Variants in MFHAS1 observed in about 807,000 individuals in gnomAD.
MFHAS1 encodes the protein malignant fibrous histiocytoma-amplified sequence 1.
A neutral mutation model predicts 70.4 loss-of-function variants in MFHAS1; 50 were observed. That is an observed-to-expected ratio of 0.71 (90% CI 0.57 to 0.90). The LOEUF (loss-of-function observed/expected upper bound fraction) is 0.90, where lower values mean the gene tolerates loss of function less well. MFHAS1 is among the 40% of genes least tolerant of loss of function. MFHAS1 has a pLI of 0.00. For missense variants in MFHAS1, 1,795 were observed against 1,347.6 expected (o/e 1.33, Z -5.20); for synonymous variants, 952 against 620.0 (o/e 1.54, Z -7.96).
At chr8:8,841,074 T>C (rs138908016) in intron 1 of MFHAS1, among the ~76,000 whole-genome samples, 66 of 152,340 alleles carry the variant, frequency 4.3e-4, no homozygotes, top group African/African-American at 1.5e-3. Context: ...GTAGGGCAAT[T>C]ACCAAGTGCC....
In MFHAS1 at chr8:8,785,854, C is replaced by G; in HGVS notation, c.*168G>C. ...CTCGTCCATGCTTCCCCCCACCACC[C>G]CCTCCCCACCTCTTCCCCAGTCGTC... On this transcript the variant is annotated 3_prime_UTR_variant, in exon 3 of 3. Transcript: ENST00000276282. 1 of 437,296 alleles carries G rather than the reference C, an allele frequency of 2.3e-6. No individual in the cohort carries two copies. The highest frequency in any genetic ancestry group is 4.4e-6 in the Non-Finnish European group (1 of 227,638). 27.1% of individuals were successfully genotyped at this position (437,296 alleles called of 1,614,324 possible).
chr8:8,857,999 T>C (rs962723500), intron 1 of MFHAS1, among the ~76,000 whole-genome samples: 13 of 152,308 alleles, frequency 8.5e-5, no homozygotes, highest in Admixed American at 8.5e-4. Context: ...TTCAAATAGC[T>C]GAGCTGAACA....
chr8:8,834,113 G>A (rs1467283649), intron 1 of MFHAS1, among the ~76,000 whole-genome samples: 5 of 138,424 alleles, frequency 3.6e-5, no homozygotes, highest in Non-Finnish European at 6.2e-5. Flanking sequence ...GCAACCGAGT[G>A]AGACTCTGTC....
intron 1 of MFHAS1, among the ~76,000 whole-genome samples, chr8:8,810,607 T>A (rs767385956): frequency 9.2e-5 from 14 of 152,212 alleles, no homozygotes; most frequent in African/African-American, 3.4e-4. Context: ...TTCTAAACAT[T>A]TTCTTTCCCC....
At chr8:8,873,881 A>G (rs1461438237) in intron 1 of MFHAS1, among the ~76,000 whole-genome samples, 1 of 152,206 alleles carries the variant, frequency 6.6e-6, no homozygotes, top group Non-Finnish European at 1.5e-5. Flanking sequence ...GATCAGCGGT[A>G]TATCTATCTG....
At chr8:8,835,747 T>G (rs558094486) in intron 1 of MFHAS1, among the ~76,000 whole-genome samples, 1 of 152,258 alleles carries the variant, frequency 6.6e-6, no homozygotes, top group Non-Finnish European at 1.5e-5. Context: ...TTATACTACG[T>G]AGAAGAGTCA....
intron 1 of MFHAS1, among the ~76,000 whole-genome samples, chr8:8,846,400 AGCTCCACT>A (rs1808041944): frequency 6.6e-6 from 1 of 151,734 alleles, no homozygotes; most frequent in Non-Finnish European, 1.5e-5. Context: ...ACTGGTCACC[AGCTCCACT>A]GCTACTATGC....
At chr8:8,868,603 G>C (rs1434716314) in intron 1 of MFHAS1, among the ~76,000 whole-genome samples, 1 of 151,946 alleles carries the variant, frequency 6.6e-6, no homozygotes, top group African/African-American at 2.4e-5. Context: ...CAACAAATGA[G>C]CATCTTATGG....
chr8:8,816,624 G>C (rs752655311), intron 1 of MFHAS1, among the ~76,000 whole-genome samples: 1 of 152,194 alleles, frequency 6.6e-6, no homozygotes, highest in Admixed American at 6.5e-5. Context: ...TATTCTATGA[G>C]ATGAAATTCA....
intron 1 of MFHAS1, among the ~76,000 whole-genome samples, chr8:8,882,619 T>C (rs1486561123): frequency 1.3e-5 from 2 of 151,416 alleles, no homozygotes; most frequent in Non-Finnish European, 2.9e-5. Flanking sequence ...CTCAAAAAAA[T>C]AAATAAAATA....
chr8:8,878,201 A>C (rs1254849015), intron 1 of MFHAS1, among the ~76,000 whole-genome samples: 1 of 152,174 alleles, frequency 6.6e-6, no homozygotes, highest in Non-Finnish European at 1.5e-5. Flanking sequence ...TAGAATATGA[A>C]GGGAGAGGAG....
chr8:8,847,932 G>C (rs138168898), intron 1 of MFHAS1, among the ~76,000 whole-genome samples: 1 of 152,196 alleles, frequency 6.6e-6, no homozygotes, highest in Admixed American at 6.5e-5. Flanking sequence ...AATATTGAAA[G>C]AGGCAGTATA....
intron 1 of MFHAS1, among the ~76,000 whole-genome samples, chr8:8,821,202 T>G (rs1229248477): frequency 6.6e-6 from 1 of 152,196 alleles, no homozygotes; most frequent in African/African-American, 2.4e-5. Flanking sequence ...CTGAACTGCC[T>G]GCCGGGGGAT....
intron 1 of MFHAS1, among the ~76,000 whole-genome samples, chr8:8,880,470 G>A (rs1809475427): frequency 6.6e-6 from 1 of 152,090 alleles, no homozygotes; most frequent in Non-Finnish European, 1.5e-5. Flanking sequence ...CAGTCATCAG[G>A]GCTTGACTCA....
rs1362171558 is a variant in MFHAS1, at chr8:8,890,092, C to G, written c.2967G>C (p.Lys989Asn). ...TVHILCSKCL[K>N]RGSPNPHAFP... is the part of the protein sequence containing the mutation. ...AAGCATGTGGATTGGGCGATCCTCTCTTAAGGCACTTAGAACAGAGAATGT... is the reference window on the plus strand; with the variant it reads ...AAGCATGTGGATTGGGCGATCCTCTGTTAAGGCACTTAGAACAGAGAATGT... Residue 989 changes from lysine to asparagine, a missense_variant, in exon 1 of 3, where the codon AAG (lysine) becomes AAC (asparagine). Transcript: ENST00000276282. 1 of 1,611,514 alleles carries G rather than the reference C, an allele frequency of 6.2e-7. No homozygotes were observed. The highest frequency in any genetic ancestry group is 8.5e-7 in the Non-Finnish European group (1 of 1,178,342).
chr8:8,854,141 A>C (rs1808345107), intron 1 of MFHAS1, among the ~76,000 whole-genome samples: 1 of 152,200 alleles, frequency 6.6e-6, no homozygotes, highest in Non-Finnish European at 1.5e-5. Context: ...TCACAGCTGT[A>C]ATCCCAGCAC....
At chr8:8,841,135 G>A (rs1807805824) in intron 1 of MFHAS1, among the ~76,000 whole-genome samples, 1 of 152,170 alleles carries the variant, frequency 6.6e-6, no homozygotes, top group Admixed American at 6.6e-5. Flanking sequence ...TATTCCTTAA[G>A]ATATTCTTCA....
chr8:8,821,135 G>A (rs1260474924), intron 1 of MFHAS1, among the ~76,000 whole-genome samples: 2 of 152,124 alleles, frequency 1.3e-5, no homozygotes, highest in African/African-American at 2.4e-5. Flanking sequence ...CACTCCCTGC[G>A]AGTCCTTGGG....
At position 8,838,183 on chromosome 8, in the gene MFHAS1, C is replaced by T. The variant is rs959188363; in HGVS notation, c.2999-40692G>A. Among the ~76,000 whole-genome samples, 6 of 152,136 alleles carry T rather than the reference C, an allele frequency of 3.9e-5. No homozygotes were observed. In the South Asian group the frequency reaches 6.2e-4, roughly 16 times the overall value. On this transcript the variant is annotated intron_variant, in intron 1 of 2. Coordinates refer to ENST00000276282, the MANE Select transcript of MFHAS1 (RefSeq NM_004225.3). ...AAAAGACTATCCGTTAGGATTTCTA[C>T]GAAGCTCTAGACAAGGCAGATCTAA...
Sources: gnomAD v4.1 joint callset for allele counts (sites outside exome capture counted in the v4.1 genomes callset) on GRCh38, gnomAD v4.1.1 for gene constraint, MANE v1.5 for transcripts, NCBI Gene and HGNC (gene_info 2026-07-23, HGNC 2026-07-21) for gene names.